The following TFB1M variants were observed in gnomAD, a reference collection of about 807,000 sequenced individuals.
TFB1M encodes transcription factor B1, mitochondrial.
Under a neutral mutation model 31.1 loss-of-function variants are expected in TFB1M, and 27 were observed. The observed-to-expected ratio is 0.87, with a 90% CI of 0.64 to 1.20. The LOEUF is 1.20. Among genes scored for constraint, TFB1M ranks in the 50% most tolerant of loss-of-function variants. The pLI is 0.00. For missense variants in TFB1M, 394 were observed against 418.7 expected, an observed-to-expected ratio of 0.94 and a Z score of 0.51; for synonymous variants, 166 against 151.8, an observed-to-expected ratio of 1.09 and a Z score of -0.69.
At chr6:155,292,399 G>T (rs926447711) in intron 4 of TFB1M, among the ~76,000 whole-genome samples, 2 of 152,178 alleles carry the variant, frequency 1.3e-5, no homozygotes, top group African/African-American at 4.8e-5. Flanking sequence ...TGATCTGCAG[G>T]TGCCTGAGGC....
In TFB1M at chr6:155,260,350, C is replaced by A; in HGVS notation, c.717G>T (p.Glu239Asp). Residue 239 changes from glutamate (E) to aspartate (D), a missense_variant, in exon 6 of 7, where the codon GAG (glutamate) becomes GAT (aspartate). Physicochemically the swap from Glu to Asp is conservative, Grantham distance 45 (BLOSUM62 2). Transcript: ENST00000367166. ...HFTPLIQPKI[E>D]QPFKLVEKVV... ...CTTTTTCCACCAGCTTGAATGGCTGCTCTATCTTGGGCTGTATCAAGGGAG... is the reference window on the plus strand; with the variant it reads ...CTTTTTCCACCAGCTTGAATGGCTGATCTATCTTGGGCTGTATCAAGGGAG... 6.2e-7 allele frequency: 1 copy of A among 1,614,232 alleles called. No homozygotes were observed.
At chr6:155,266,206 A>C (rs889893690) in intron 5 of TFB1M, among the ~76,000 whole-genome samples, 7 of 152,182 alleles carry the variant, frequency 4.6e-5, no homozygotes, top group Admixed American at 3.9e-4. Flanking sequence ...TTTAAAATTC[A>C]GAACCCCAAC....
intron 5 of TFB1M, among the ~76,000 whole-genome samples, chr6:155,276,701 T>C (rs1179280849): frequency 6.6e-6 from 1 of 152,222 alleles, no homozygotes. Flanking sequence ...AACTGGATTT[T>C]ATAAAAGAAC....
the TFB1M span, chr6:155,247,937 G>A: frequency 5.2e-6 from 8 of 1,535,534 alleles, no homozygotes; most frequent in East Asian, 1.8e-4. Context: ...TGTTAAAAGA[G>A]AAATGAAGAA....
At chr6:155,264,595 T>C (rs1176886545) in intron 5 of TFB1M, among the ~76,000 whole-genome samples, 1 of 152,150 alleles carries the variant, frequency 6.6e-6, no homozygotes, top group African/African-American at 2.4e-5. Context: ...TCTGCAGAAG[T>C]TCTGTCCTCA....
chr6:155,290,406 A>AAAAAG (rs1554255533), intron 4 of TFB1M, among the ~76,000 whole-genome samples: 4,500 of 114,124 alleles, frequency 0.039, 189 homozygotes, highest in East Asian at 0.074. Context: ...AAAAAAAAAA[A>AAAAAG]AAAAGAAAAG....
chr6:155,261,778 G>A (rs1784404645), intron 5 of TFB1M, among the ~76,000 whole-genome samples: 1 of 152,148 alleles, frequency 6.6e-6, no homozygotes, highest in African/African-American at 2.4e-5. Context: ...GTGGTAAGGG[G>A]CGGTGTGGGC....
At chr6:155,287,505 C>T (rs889573627) in intron 4 of TFB1M, among the ~76,000 whole-genome samples, 1 of 150,098 alleles carries the variant, frequency 6.7e-6, no homozygotes, top group African/African-American at 2.5e-5. Flanking sequence ...CAGTATAATG[C>T]TATTTGTATA....
Position 155,314,291 on chromosome 6 carries a change from T to G in TFB1M, c.133+5A>C. The G allele has an allele frequency of 1.2e-6, 2 of 1,613,804 alleles. No individual in the cohort carries two copies. The highest frequency in any genetic ancestry group is 1.7e-6 in the Non-Finnish European group (2 of 1,179,868). ...ACATCCGGGGAGCACTGCTAAGCCATCCACCTGTCAGCCTCAAGTCCAGGA... is the reference window on the plus strand; with the variant it reads ...ACATCCGGGGAGCACTGCTAAGCCAGCCACCTGTCAGCCTCAAGTCCAGGA... On this transcript the variant is annotated splice_donor_5th_base_variant and intron_variant, in intron 1 of 6. Coordinates refer to ENST00000367166, the MANE Select transcript of TFB1M (RefSeq NM_016020.4).
chr6:155,270,091 A>T (rs1337485248), intron 5 of TFB1M, among the ~76,000 whole-genome samples: 1 of 152,206 alleles, frequency 6.6e-6, no homozygotes, highest in African/African-American at 2.4e-5. Context: ...TTGTTGACTC[A>T]AGGGATGTTG....
chr6:155,249,726 A>G, the TFB1M span: 1 of 686,932 alleles, frequency 1.5e-6, no homozygotes, highest in Admixed American at 3.0e-5. Context: ...TCTGAATGTA[A>G]TGCTCCTGCT....
intron 6 of TFB1M, 33 bp from the exon 7 acceptor site, chr6:155,258,115 A>AATT: frequency 3.1e-6 from 5 of 1,613,086 alleles, no homozygotes; most frequent in Non-Finnish European, 4.2e-6. Flanking sequence ...GAAAAATAAG[A>AATT]ATTTTACTTA....
the TFB1M span, among the ~76,000 whole-genome samples, chr6:155,250,298 T>G: frequency 6.6e-6 from 1 of 151,218 alleles, no homozygotes; most frequent in South Asian, 2.1e-4. Flanking sequence ...TGCCTTTTTT[T>G]TTTTTTTTTT....
At chr6:155,251,908 T>A, downstream of TFB1M, 1 of 1,542,008 alleles carries the variant, frequency 6.5e-7, no homozygotes, top group Non-Finnish European at 8.9e-7. Flanking sequence ...AGAGTTTGCA[T>A]AAAATAAAGA....
the TFB1M span, chr6:155,244,729 T>C: frequency 6.2e-7 from 1 of 1,614,046 alleles, no homozygotes; most frequent in Non-Finnish European, 8.5e-7. Context: ...CCCTGGAGGA[T>C]GGGATTTCAG....
At chr6:155,246,747 C>T in the TFB1M span, among the ~76,000 whole-genome samples, 1 of 152,212 alleles carries the variant, frequency 6.6e-6, no homozygotes, top group African/African-American at 2.4e-5. Flanking sequence ...ATGGCTTGCT[C>T]CATTCCTCCT....
At chr6:155,240,742 C>T in the TFB1M span, 9 of 1,585,178 alleles carry the variant, frequency 5.7e-6, no homozygotes, top group Non-Finnish European at 7.7e-6. Context: ...TGCATTCGTG[C>T]CTCTTTGATG....
chr6:155,256,570 G>T lies in TFB1M; in HGVS notation c.*1266C>A. On this transcript the variant is annotated 3_prime_UTR_variant, in exon 7 of 7. Transcript: ENST00000367166. ...TGGCAAGGGAACCTTGCTGGACTCT[G>T]ACGAGGGCAGCTTGAGCAGCGGCAC... 1.2e-6 allele frequency: 2 copies of T among 1,614,228 alleles called. No homozygotes were observed. Among genetic ancestry groups the T allele is most frequent in the Non-Finnish European group, 1.7e-6 (2 of 1,180,026 alleles).
the TFB1M span, among the ~76,000 whole-genome samples, chr6:155,248,908 A>C: frequency 6.6e-6 from 1 of 152,222 alleles, no homozygotes; most frequent in Non-Finnish European, 1.5e-5. Context: ...CTGAATAATA[A>C]ATACTGAGAA....
Sources: gnomAD v4.1 joint callset for allele counts (sites outside exome capture counted in the v4.1 genomes callset) on GRCh38, gnomAD v4.1.1 for gene constraint, MANE v1.5 for transcripts, NCBI Gene and HGNC (gene_info 2026-07-23, HGNC 2026-07-21) for gene names.